Variants in HELZ observed in about 807,000 individuals in gnomAD.
The protein encoded by HELZ is helicase with zinc finger.
Under a neutral mutation model 218.2 loss-of-function variants are expected in HELZ, and 23 were observed. That is an observed-to-expected ratio of 0.11 (90% CI 0.08 to 0.15). The LOEUF is 0.15. HELZ is among the 10% of genes least tolerant of loss of function. The pLI, the probability that HELZ is intolerant of heterozygous loss-of-function variation, is 1.00. For missense variants in HELZ, 1,813 were observed against 2,353.7 expected, an observed-to-expected ratio of 0.77 and a Z score of 4.75; for synonymous variants, 814 against 829.4, an observed-to-expected ratio of 0.98 and a Z score of 0.32.
rs142703387 is a variant in HELZ, at chr17:67,203,204, T to G, written c.372+115A>C. 805 of 1,080,620 alleles carry G rather than the reference T, an allele frequency of 7.4e-4. 8 individuals are homozygous for G. The African/African-American group carries it at 0.012, about 16-fold the overall frequency. 66.9% of individuals were successfully genotyped at this position (1,080,620 alleles called of 1,614,324 possible). On this transcript the variant is annotated intron_variant, in intron 6 of 32. Coordinates refer to ENST00000358691, the MANE Select transcript of HELZ (RefSeq NM_014877.4). ...CAGGATACTCATGAATTTTGCTTTCTAATAGAGGAAGAACTAAAAGAAAAA... is the reference window on the plus strand; with the variant it reads ...CAGGATACTCATGAATTTTGCTTTCGAATAGAGGAAGAACTAAAAGAAAAA...
Position 67,136,213 on chromosome 17 carries a change from T to G in HELZ, c.2954-15A>C, listed in dbSNP as rs764784922. 8.2e-5 allele frequency: 128 copies of G among 1,560,744 alleles called. 1 individual carries two copies. In the East Asian group the frequency reaches 2.8e-3, roughly 35 times the overall value. On this transcript the variant is annotated splice_polypyrimidine_tract_variant and intron_variant, in intron 22 of 32. Coordinates refer to ENST00000358691, the MANE Select transcript of HELZ (RefSeq NM_014877.4). ...GAATTGCTTTCCTACAAAGAAAATT[T>G]TTTAAGAAAAGACTTAAGATTGTCA...
chr17:67,207,619 T>G (rs1190066141), intron 5 of HELZ, among the ~76,000 whole-genome samples: 6 of 152,176 alleles, frequency 3.9e-5, no homozygotes, highest in Non-Finnish European at 8.8e-5. Flanking sequence ...TCCTAAAAAT[T>G]TTTTTCATTA....
intron 28 of HELZ, among the ~76,000 whole-genome samples, chr17:67,110,085 T>G (rs2037235136): frequency 6.6e-6 from 1 of 152,188 alleles, no homozygotes; most frequent in South Asian, 2.1e-4. Flanking sequence ...TGTTTTTTTT[T>G]GAGACAGAGT....
chr17:67,096,399 G>A (rs1435574197), intron 31 of HELZ, among the ~76,000 whole-genome samples: 1 of 152,148 alleles, frequency 6.6e-6, no homozygotes, highest in South Asian at 2.1e-4. Flanking sequence ...TTTGAAGCCA[G>A]GTATTGACTT....
intron 3 of HELZ, among the ~76,000 whole-genome samples, chr17:67,229,710 C>T (rs1262215206): frequency 1.3e-5 from 2 of 152,172 alleles, no homozygotes; most frequent in East Asian, 1.9e-4. Flanking sequence ...TGTTTTATTA[C>T]CTTTTAGTTC....
intron 3 of HELZ, among the ~76,000 whole-genome samples, chr17:67,237,285 G>A (rs1489171216): frequency 2.0e-5 from 3 of 151,554 alleles, no homozygotes; most frequent in Non-Finnish European, 2.9e-5. Flanking sequence ...ACTCTGTCTC[G>A]AAAAAAAACA....
chr17:67,193,841 T>C (rs959693473), intron 9 of HELZ, 126 bp downstream of exon 9: 5 of 673,020 alleles, frequency 7.4e-6, no homozygotes, highest in Non-Finnish European at 1.0e-5. Context: ...TATTACTTAA[T>C]GATAATGACC....
intron 23 of HELZ, among the ~76,000 whole-genome samples, chr17:67,130,509 C>A (rs2037944923): frequency 6.6e-6 from 1 of 152,090 alleles, no homozygotes; most frequent in Admixed American, 6.5e-5. Context: ...GACAGTCATG[C>A]AGTTGCTGGA....
At position 67,109,350 on chromosome 17, in the gene HELZ, G is replaced by A; in HGVS notation, c.4255C>T (p.Leu1419Phe). 6.2e-7 allele frequency: 1 copy of A among 1,614,194 alleles called. No homozygotes were observed. Among genetic ancestry groups the A allele is most frequent in the Non-Finnish European group, 8.5e-7 (1 of 1,180,036 alleles). Residue 1419 changes from leucine to phenylalanine, a missense_variant, in exon 29 of 33, where the codon CTT becomes TTT. Around this residue, in one of 4 missense-constraint regions of HELZ, gnomAD observed 938 missense variants for 1,027.5 expected, o/e 0.91. Coordinates refer to ENST00000358691, the MANE Select transcript of HELZ (RefSeq NM_014877.4). ...NQQPQQPPPQLSPAYQAGPNN... is the reference protein window; with the variant it reads ...NQQPQQPPPQFSPAYQAGPNN... Reference sequence around the variant, plus strand: ...GGTCCCGCCTGATATGCAGGAGAAAGCTGAGGAGGTGGCTGCTGAGGCTGC... The same window carrying A: ...GGTCCCGCCTGATATGCAGGAGAAAACTGAGGAGGTGGCTGCTGAGGCTGC...
chr17:67,177,080 C>T (rs989039093), intron 13 of HELZ, among the ~76,000 whole-genome samples: 1 of 151,214 alleles, frequency 6.6e-6, no homozygotes, highest in African/African-American at 2.4e-5. Flanking sequence ...TCAAGCGATT[C>T]TCCCACCTCA....
At chr17:67,084,525 T>A (rs1341759020) in intron 32 of HELZ, among the ~76,000 whole-genome samples, 1 of 151,180 alleles carries the variant, frequency 6.6e-6, no homozygotes, top group Non-Finnish European at 1.5e-5. Context: ...TAGCCGGGCG[T>A]GGTGGCGGGC....
intron 13 of HELZ, among the ~76,000 whole-genome samples, chr17:67,175,855 A>G (rs77168523): frequency 1.8e-4 from 28 of 152,334 alleles, no homozygotes; most frequent in African/African-American, 6.0e-4. Flanking sequence ...GAACACATCA[A>G]TACTGATCCA....
chr17:67,229,036 C>A (rs1283527644), intron 3 of HELZ, among the ~76,000 whole-genome samples: 1 of 152,058 alleles, frequency 6.6e-6, no homozygotes, highest in Non-Finnish European at 1.5e-5. Context: ...ATTAAAGTAA[C>A]CCAAGTGAAG....
At chr17:67,234,847 C>T (rs2041135809) in intron 3 of HELZ, among the ~76,000 whole-genome samples, 1 of 152,082 alleles carries the variant, frequency 6.6e-6, no homozygotes, top group Non-Finnish European at 1.5e-5. Flanking sequence ...AGACTTCCCT[C>T]CAGAATGCCC....
intron 17 of HELZ, among the ~76,000 whole-genome samples, chr17:67,155,611 C>T (rs2038816015): frequency 6.6e-6 from 1 of 152,076 alleles, no homozygotes; most frequent in Non-Finnish European, 1.5e-5. Flanking sequence ...CCGAGGCGGG[C>T]AGATCACCTG....
At chr17:67,219,834 G>A (rs1250989996) in intron 3 of HELZ, among the ~76,000 whole-genome samples, 1 of 152,182 alleles carries the variant, frequency 6.6e-6, no homozygotes, top group Admixed American at 6.5e-5. Context: ...ATTAGTAAGA[G>A]ATCACTAAAA....
intron 9 of HELZ, among the ~76,000 whole-genome samples, chr17:67,193,626 G>C (rs2039953813): frequency 6.6e-6 from 1 of 152,176 alleles, no homozygotes; most frequent in Non-Finnish European, 1.5e-5. Context: ...TGAGGCAGGA[G>C]AATCACTTAA....
intron 4 of HELZ, among the ~76,000 whole-genome samples, chr17:67,217,304 A>C (rs1372863451): frequency 6.6e-6 from 1 of 152,206 alleles, no homozygotes; most frequent in African/African-American, 2.4e-5. Context: ...CATTCAATAC[A>C]TTAGGAAACC....
At chr17:67,141,833 T>C (rs1178610770) in intron 21 of HELZ, among the ~76,000 whole-genome samples, 1 of 151,940 alleles carries the variant, frequency 6.6e-6, no homozygotes, top group Non-Finnish European at 1.5e-5. Flanking sequence ...TCACTTCAAG[T>C]AGGAGTTTGA....
Sources: allele counts gnomAD v4.1 joint callset (sites outside exome capture counted in the v4.1 genomes callset), GRCh38; gene constraint gnomAD v4.1.1; regional missense constraint gnomAD v4.1.1; transcripts MANE v1.5; gene names NCBI Gene and HGNC (gene_info 2026-07-23, HGNC 2026-07-21).